Variants in RALYL observed in about 807,000 individuals in gnomAD.
RALYL encodes RALY RNA binding protein like.
In RALYL, 29 loss-of-function variants were observed where a neutral mutation model predicts 35.1. The ratio of observed to expected loss-of-function variants is 0.83; its 90% CI spans 0.61 to 1.13. The LOEUF is 1.13. Among genes scored for constraint, RALYL ranks in the 50% most tolerant of loss-of-function variants. The pLI, the probability that RALYL is intolerant of heterozygous loss-of-function variation, is 0.00. For missense variants in RALYL, 359 were observed against 360.4 expected (o/e 1.00, Z 0.03); for synonymous variants, 120 against 127.6 (o/e 0.94, Z 0.40).
intron 5 of RALYL, 127 bp downstream of exon 5, chr8:84,850,154 A>C: frequency 2.2e-6 from 1 of 463,056 alleles, no homozygotes; most frequent in East Asian, 3.6e-5. Flanking sequence ...AAAATAAAAT[A>C]CTAAATCCCA....
chr8:84,418,774 T>C (rs1205544593), intron 1 of RALYL, among the ~76,000 whole-genome samples: 1 of 151,396 alleles, frequency 6.6e-6, no homozygotes, highest in Non-Finnish European at 1.5e-5. Flanking sequence ...ATACCATTAG[T>C]TTATTTAAGT....
At chr8:84,315,114 A>G (rs995353631) in intron 1 of RALYL, among the ~76,000 whole-genome samples, 3 of 152,336 alleles carry the variant, frequency 2.0e-5, no homozygotes, top group Non-Finnish European at 2.9e-5. Flanking sequence ...ATTATTTGTG[A>G]TAACAAAACA....
chr8:84,638,074 C>T (rs1217935685), intron 2 of RALYL, among the ~76,000 whole-genome samples: 2 of 151,884 alleles, frequency 1.3e-5, no homozygotes. Context: ...AAACAATTCT[C>T]AATAAATTTA....
chr8:84,847,822 T>A (rs1479040631), intron 4 of RALYL, among the ~76,000 whole-genome samples: 1 of 152,166 alleles, frequency 6.6e-6, no homozygotes, highest in Non-Finnish European at 1.5e-5. Flanking sequence ...GAGTAAGTTC[T>A]TACTTTATAT....
chr8:84,771,232 GTC>G (rs1405193619), intron 2 of RALYL, among the ~76,000 whole-genome samples: 1 of 151,634 alleles, frequency 6.6e-6, no homozygotes, highest in Non-Finnish European at 1.5e-5. Context: ...CTCTCTCTCT[GTC>G]TCTGTCATTT....
Position 84,387,799 on chromosome 8 carries a change from CTTTCT to C in RALYL, c.-23-141496_-23-141492del, listed in dbSNP as rs1321851340. Among the ~76,000 whole-genome samples the C allele has an allele frequency of 4.4e-4, 61 of 139,226 alleles. 1 individual carries two copies. In the East Asian group the frequency reaches 0.011, roughly 24 times the overall value. 91.3% of individuals were successfully genotyped at this position (139,226 alleles called of 152,430 possible). On this transcript the variant is annotated intron_variant, in intron 1 of 8. Coordinates refer to ENST00000521268, the MANE Select transcript of RALYL (RefSeq NM_173848.7). ...GGGAAGGTGGTTCTTTTCTTTCTTT[CTTTCT>C]TTTTTTTTTTTTTTGATTGTAAGAT...
At chr8:84,738,845 A>G (rs2133014789) in intron 2 of RALYL, among the ~76,000 whole-genome samples, 1 of 152,148 alleles carries the variant, frequency 6.6e-6, no homozygotes, top group Admixed American at 6.6e-5. Flanking sequence ...TGTTTAATTA[A>G]TGAATGTTTG....
intron 2 of RALYL, among the ~76,000 whole-genome samples, chr8:84,744,212 C>T (rs776400150): frequency 1.4e-4 from 21 of 151,962 alleles, no homozygotes; most frequent in Non-Finnish European, 4.4e-5. Flanking sequence ...CAAACATTTG[C>T]TTAGCCACTG....
intron 1 of RALYL, among the ~76,000 whole-genome samples, chr8:84,397,724 A>G (rs955356359): frequency 1.3e-5 from 2 of 152,202 alleles, no homozygotes; most frequent in Admixed American, 1.3e-4. Context: ...CAACTGTCAC[A>G]CATTCAAAGA....
chr8:84,225,189 T>A (rs1563564013), intron 1 of RALYL, among the ~76,000 whole-genome samples: 1 of 152,196 alleles, frequency 6.6e-6, no homozygotes, highest in Non-Finnish European at 1.5e-5. Flanking sequence ...TGGTATAAAA[T>A]GTGTGTTGAA....
chr8:84,671,327 A>C (rs549723701), intron 2 of RALYL, among the ~76,000 whole-genome samples: 3 of 152,202 alleles, frequency 2.0e-5, no homozygotes, highest in Admixed American at 1.3e-4. Context: ...ACACAGTGTA[A>C]ACTGTTGGTG....
At chr8:84,295,801 C>A (rs753889963) in intron 1 of RALYL, among the ~76,000 whole-genome samples, 1 of 152,118 alleles carries the variant, frequency 6.6e-6, no homozygotes, top group Non-Finnish European at 1.5e-5. Context: ...GCACTGCATT[C>A]TATTTCCTAG....
intron 1 of RALYL, among the ~76,000 whole-genome samples, chr8:84,345,678 C>T (rs1849709163): frequency 6.6e-6 from 1 of 152,020 alleles, no homozygotes; most frequent in African/African-American, 2.4e-5. Flanking sequence ...TTCCTTCACG[C>T]CCTAATATAT....
intron 5 of RALYL, among the ~76,000 whole-genome samples, chr8:84,862,093 A>G (rs1159549759): frequency 6.6e-6 from 1 of 152,246 alleles, no homozygotes; most frequent in Non-Finnish European, 1.5e-5. Context: ...TAAAGTCCAG[A>G]AAGCATAGAC....
intron 7 of RALYL, among the ~76,000 whole-genome samples, chr8:84,884,365 C>G (rs1842632026): frequency 1.3e-5 from 2 of 151,956 alleles, no homozygotes; most frequent in Admixed American, 6.6e-5. Context: ...CTGATACAAG[C>G]TGAAACAAAT....
At chr8:84,497,630 G>GTTTTTTTTTTTTTTTTT (rs1181968193) in intron 1 of RALYL, among the ~76,000 whole-genome samples, 1 of 119,124 alleles carries the variant, frequency 8.4e-6, no homozygotes, top group African/African-American at 3.2e-5. Flanking sequence ...TTTTTTTGTT[G>GTTTTTTTTTTTTTTTTT]TTTTTGTTTT....
intron 1 of RALYL, among the ~76,000 whole-genome samples, chr8:84,233,157 T>TTA (rs1825755678): frequency 6.6e-6 from 1 of 151,838 alleles, no homozygotes; most frequent in African/African-American, 2.4e-5. Flanking sequence ...TAATTTTTAT[T>TTA]GTTTTTTTGT....
chr8:84,509,567 G>T (rs1191003905), intron 1 of RALYL, among the ~76,000 whole-genome samples: 2 of 152,040 alleles, frequency 1.3e-5, no homozygotes, highest in Non-Finnish European at 2.9e-5. Flanking sequence ...CGTGCCATTG[G>T]TGCTGCATCT....
chr8:84,399,203 A>G (rs1444074635), intron 1 of RALYL, among the ~76,000 whole-genome samples: 5 of 152,166 alleles, frequency 3.3e-5, no homozygotes, highest in Non-Finnish European at 7.4e-5. Flanking sequence ...ATAATAAAAA[A>G]CATTTATTAA....
Sources: gnomAD v4.1 joint callset for allele counts (sites outside exome capture counted in the v4.1 genomes callset) on GRCh38, gnomAD v4.1.1 for gene constraint, MANE v1.5 for transcripts, NCBI Gene and HGNC (gene_info 2026-07-23, HGNC 2026-07-21) for gene names.